RSRP1: variants seen among roughly 807,000 people sequenced by gnomAD.
The protein encoded by RSRP1 is arginine and serine rich protein 1, also known as arginine/serine-rich protein 1.
In RSRP1, 37 loss-of-function variants were observed where a neutral mutation model predicts 33.0. That is an observed-to-expected ratio of 1.12 (90% confidence interval 0.86 to 1.48). The LOEUF (loss-of-function observed/expected upper bound fraction) is 1.48, where lower values mean the gene tolerates loss of function less well. Ranked by LOEUF, RSRP1 falls within the 40% of genes most tolerant of loss-of-function variation. The pLI, the probability that RSRP1 is intolerant of heterozygous loss-of-function variation, is 0.00. For missense variants in RSRP1, 402 were observed against 385.3 expected, an observed-to-expected ratio of 1.04 and a Z score of -0.36; for synonymous variants, 167 against 158.7, an observed-to-expected ratio of 1.05 and a Z score of -0.40.
At chr1:25,243,849 C>T (rs1388744631) in intron 3 of RSRP1, 7 of 1,263,076 alleles carry the variant, frequency 5.5e-6, no homozygotes, top group South Asian at 2.1e-5. Flanking sequence ...ATTTTACTTC[C>T]CTGCTGGCAA....
chr1:25,305,735 G>T lies in RSRP1; in HGVS notation c.-67+32243C>A, dbSNP rs186702733. Among the ~76,000 whole-genome samples, 36 of 129,874 alleles carry T rather than the reference G, an allele frequency of 2.8e-4. 6 individuals carry two copies. The highest frequency in any genetic ancestry group is 9.6e-4 in the African/African-American group (36 of 37,616). The allele number at this position is 129,874 out of a possible 152,430, so 85.2% of individuals were successfully genotyped here. A position where few individuals can be genotyped will look rare whatever the true frequency, so the allele number is the denominator to read the frequency against. ...CCTGCCTCAGCCTCCTGAGTAGCTG[G>T]GTCTACAGGCGCCCACCACCACGCC... is the stretch of plus-strand genomic sequence containing the variant. On this transcript the variant is annotated intron_variant, in intron 1 of 1. Coordinates refer to the RSRP1 transcript ENST00000561867.
intron 1 of RSRP1, chr1:25,318,204 T>C (rs1219948096): frequency 1.6e-5 from 2 of 128,368 alleles, no homozygotes; most frequent in African/African-American, 5.3e-5. Context: ...TCCCAGCTAC[T>C]TGGGAGGCTG....
rs1017753591 is a variant in RSRP1, at chr1:25,245,006, T to C, written c.672+144A>G. On this transcript the variant is annotated intron_variant, in intron 3 of 4. Coordinates refer to ENST00000243189, the MANE Select transcript of RSRP1 (RefSeq NM_020317.5). ...CCATTTTCATGGGTTTGACATTGCC[T>C]ATCTTCAGATTTGCTACTTTGAATT... 7.5e-5 allele frequency: 117 copies of C among 1,549,736 alleles called. No individual in the cohort carries two copies. In the Middle Eastern group the frequency reaches 2.6e-3, roughly 35 times the overall value.
chr1:25,318,433 C>T lies in RSRP1; in HGVS notation c.-67+19545G>A, dbSNP rs1644523210. On this transcript the variant is annotated intron_variant, in intron 1 of 1. Coordinates refer to the RSRP1 transcript ENST00000561867. ...CAAAACCCTGTCTCTACCAGAAATACAAAAATTAGCCAGGCGTGGTGGCGT... is the reference window on the plus strand; with the variant it reads ...CAAAACCCTGTCTCTACCAGAAATATAAAAATTAGCCAGGCGTGGTGGCGT... Among the ~76,000 whole-genome samples, 2 of 129,212 alleles carry T rather than the reference C, an allele frequency of 1.5e-5. 1 individual carries two copies. Among genetic ancestry groups the T allele is most frequent in the Non-Finnish European group, 3.7e-5 (2 of 54,444 alleles). The allele number at this position is 129,212 out of a possible 152,430, so 84.8% of individuals were successfully genotyped here.
rs188954582 is a variant in RSRP1 at position 25,243,647 on chromosome 1, G to C, written c.673-14C>G. The C allele has an allele frequency of 1.2e-5, 20 of 1,612,420 alleles. No individual in the cohort carries two copies. The highest frequency in any genetic ancestry group is 8.5e-7 in the Non-Finnish European group (1 of 1,179,256). ...CTTTTCCGACAGCTAGACAGGTTAAGAAAAAGTGTAATTTTAAAACACATA... is the reference window on the plus strand; with the variant it reads ...CTTTTCCGACAGCTAGACAGGTTAACAAAAAGTGTAATTTTAAAACACATA... On this transcript the variant is annotated splice_polypyrimidine_tract_variant and intron_variant, in intron 3 of 4. Transcript: ENST00000243189.
Position 25,244,656 on chromosome 1 carries a change from T to C in RSRP1, c.672+494A>G, listed in dbSNP as rs1244438143. ...AAAGTACCAGCTAATAACGGTGTTA[T>C]AAGAGTACACTGTTAACTGAAAATG... On this transcript the variant is annotated intron_variant, in intron 3 of 4. Transcript: ENST00000243189. 3.3e-6 allele frequency: 4 copies of C among 1,222,686 alleles called. No individual in the cohort carries two copies. The East Asian group carries it at 2.3e-4, about 70-fold the overall frequency. The allele number at this position is 1,222,686 out of a possible 1,614,324, so 75.7% of individuals were successfully genotyped here. A position where few individuals can be genotyped will look rare whatever the true frequency, so the allele number is the denominator to read the frequency against.
chr1:25,244,721 G>A, intron 3 of RSRP1: 4 of 1,170,506 alleles, frequency 3.4e-6, no homozygotes, highest in Middle Eastern at 3.9e-4. Context: ...GTCTCGCTCT[G>A]CTGCCCAGGC....
upstream of RSRP1, among the ~76,000 whole-genome samples, chr1:25,250,451 A>C (rs1639740981): frequency 6.6e-6 from 1 of 152,194 alleles, no homozygotes; most frequent in Admixed American, 6.5e-5. Flanking sequence ...GTATCACAAC[A>C]AGTTTTAAAT....
intron 1 of RSRP1, among the ~76,000 whole-genome samples, chr1:25,255,068 T>C (rs1639906234): frequency 1.3e-5 from 2 of 152,230 alleles, no homozygotes; most frequent in South Asian, 4.1e-4. Flanking sequence ...CACCTTAACA[T>C]CAGAGAAACC....
chr1:25,246,186 G>A (rs567054954), intron 2 of RSRP1, among the ~76,000 whole-genome samples: 4 of 152,172 alleles, frequency 2.6e-5, no homozygotes, highest in African/African-American at 9.6e-5. Context: ...CATTTAAAAG[G>A]CTCCACCCAC....
At chr1:25,302,875 G>A (rs1203940650) in intron 1 of RSRP1, among the ~76,000 whole-genome samples, 1 of 131,206 alleles carries the variant, frequency 7.6e-6, no homozygotes, top group Admixed American at 7.4e-5. Context: ...CAGGTGCAGT[G>A]GCTCACACCT....
intron 1 of RSRP1, among the ~76,000 whole-genome samples, chr1:25,314,473 C>T (rs539640290): frequency 7.6e-6 from 1 of 131,946 alleles, no homozygotes; most frequent in African/African-American, 2.6e-5. Flanking sequence ...ATATGAATCC[C>T]ACTTTGTGCG....
In RSRP1 at chr1:25,282,579, G is replaced by A. The variant is rs1045183058; in HGVS notation, c.-66-35550C>T. ...AATAGGAAATGATAGAGCTGGGATC[G>A]AACAGAGCCATGTGAACTCAAAACC... On this transcript the variant is annotated intron_variant, in intron 1 of 1. Coordinates refer to the RSRP1 transcript ENST00000561867. 5.3e-5 allele frequency among the ~76,000 whole-genome samples: 7 copies of A among 132,150 alleles called. 2 individuals are homozygous for A. Among genetic ancestry groups the A allele is most frequent in the Non-Finnish European group, 7.2e-5 (4 of 55,874 alleles). 86.7% of individuals were successfully genotyped at this position (132,150 alleles called of 152,430 possible). A position where few individuals can be genotyped will look rare whatever the true frequency, so the allele number is the denominator to read the frequency against.
upstream of RSRP1, among the ~76,000 whole-genome samples, chr1:25,252,036 G>A (rs1415720985): frequency 6.6e-6 from 1 of 150,466 alleles, no homozygotes; most frequent in African/African-American, 2.4e-5. Context: ...GAGTACAGGT[G>A]CACGCCACCA....
intron 1 of RSRP1, chr1:25,301,154 G>T: frequency 7.6e-7 from 1 of 1,319,986 alleles, no homozygotes; most frequent in East Asian, 2.2e-5. Context: ...CTCAGAAAAG[G>T]CTCTGGCTGA....
At chr1:25,300,201 G>A (rs1359682369) in intron 1 of RSRP1, among the ~76,000 whole-genome samples, 1 of 131,220 alleles carries the variant, frequency 7.6e-6, no homozygotes, top group African/African-American at 2.6e-5. Context: ...CCACACCTAA[G>A]TGAACCTTGG....
chr1:25,243,127 A>G (rs1210383459), intron 4 of RSRP1, among the ~76,000 whole-genome samples: 3 of 152,134 alleles, frequency 2.0e-5, no homozygotes, highest in Non-Finnish European at 4.4e-5. Context: ...AACCAAACAC[A>G]TAGTGTGAAC....
In RSRP1 at chr1:25,331,477, T is replaced by C. The variant is rs1422140664; in HGVS notation, c.-67+6501A>G. Among the ~76,000 whole-genome samples, 2 of 132,328 alleles carry C rather than the reference T, an allele frequency of 1.5e-5. 1 individual carries two copies. The highest frequency in any genetic ancestry group is 5.2e-5 in the African/African-American group (2 of 38,806). The allele number at this position is 132,328 out of a possible 152,430, so 86.8% of individuals were successfully genotyped here. ...ATGTATACAAAGATAATTTCGTGAT[T>C]ACTGTCCTTATGCATAAACGTCCTC... On this transcript the variant is annotated intron_variant, in intron 1 of 1. Coordinates refer to the RSRP1 transcript ENST00000561867.
intron 1 of RSRP1, among the ~76,000 whole-genome samples, chr1:25,291,670 A>C (rs1642521289): frequency 7.5e-6 from 1 of 132,576 alleles, no homozygotes; most frequent in African/African-American, 2.6e-5. Context: ...GAGCCTCACC[A>C]GCAGTGGGTC....
Sources: allele counts gnomAD v4.1 joint callset (sites outside exome capture counted in the v4.1 genomes callset), GRCh38; gene constraint gnomAD v4.1.1; transcripts MANE v1.5; gene names NCBI Gene and HGNC (gene_info 2026-07-23, HGNC 2026-07-21).